Variants in C6orf58 observed in about 807,000 individuals in gnomAD.
C6orf58 encodes the protein chromosome 6 open reading frame 58, also known as protein LEG1 homolog.
In C6orf58, 30 loss-of-function variants were observed where a neutral mutation model predicts 37.0. That is an observed-to-expected ratio of 0.81 (90% CI 0.61 to 1.10). The LOEUF (loss-of-function observed/expected upper bound fraction) is 1.10, where lower values mean the gene tolerates loss of function less well. Ranked by LOEUF, C6orf58 falls within the 50% of genes least tolerant of loss-of-function variation. The pLI, the probability that C6orf58 is intolerant of heterozygous loss-of-function variation, is 0.00. For missense variants in C6orf58, 368 were observed against 387.5 expected (o/e 0.95, Z 0.42); for synonymous variants, 143 against 134.1 (o/e 1.07, Z -0.46).
At chr6:127,578,470 A>G (rs1201352765) in intron 1 of C6orf58, among the ~76,000 whole-genome samples, 2 of 152,168 alleles carry the variant, frequency 1.3e-5, no homozygotes, top group African/African-American at 4.8e-5. Flanking sequence ...TTTAGGACCT[A>G]TAACTCAAAA....
At chr6:127,584,783 CA>C (rs34714127) in intron 4 of C6orf58, among the ~76,000 whole-genome samples, 55,980 of 119,542 alleles carry the variant, frequency 0.47, 11,582 homozygotes, top group East Asian at 0.92. Flanking sequence ...ACTCCATCTC[CA>C]AAAAAAAAAA....
intron 2 of C6orf58, among the ~76,000 whole-genome samples, chr6:127,580,032 C>T (rs77020206): frequency 0.018 from 2,737 of 152,088 alleles, 78 homozygotes; most frequent in African/African-American, 0.06. Flanking sequence ...ATATAGTCAA[C>T]TACTTTAGCC....
At chr6:127,578,067 G>C (rs905959054) in intron 1 of C6orf58, among the ~76,000 whole-genome samples, 1 of 152,084 alleles carries the variant, frequency 6.6e-6, no homozygotes, top group South Asian at 2.1e-4. Context: ...AAAGAGTGGT[G>C]CCTGTTGCCC....
At chr6:127,578,468 C>G (rs942769091) in intron 1 of C6orf58, among the ~76,000 whole-genome samples, 1 of 151,642 alleles carries the variant, frequency 6.6e-6, no homozygotes, top group Non-Finnish European at 1.5e-5. Context: ...TATTTAGGAC[C>G]TATAACTCAA....
chr6:127,581,867 C>T (rs535211627), intron 4 of C6orf58, among the ~76,000 whole-genome samples: 23 of 152,266 alleles, frequency 1.5e-4, no homozygotes, highest in African/African-American at 5.1e-4. Flanking sequence ...CAGTTGGCAG[C>T]CTGTGATTGG....
intron 5 of C6orf58, 56 bp from the exon 6 acceptor site, chr6:127,591,487 A>G: frequency 7.0e-7 from 1 of 1,427,426 alleles, no homozygotes; most frequent in Non-Finnish European, 9.3e-7. Context: ...TATTGCCAAA[A>G]GGTACTTTAA....
intron 3 of C6orf58, among the ~76,000 whole-genome samples, chr6:127,580,977 T>C (rs1302299017): frequency 6.6e-6 from 1 of 152,088 alleles, no homozygotes; most frequent in Non-Finnish European, 1.5e-5. Flanking sequence ...TACTTATAGA[T>C]GCATATGCTA....
chr6:127,577,799 T>C (rs1315811320), intron 1 of C6orf58, among the ~76,000 whole-genome samples: 1 of 152,140 alleles, frequency 6.6e-6, no homozygotes, highest in Non-Finnish European at 1.5e-5. Context: ...GCCACACTCC[T>C]TTCTAAGCAA....
chr6:127,577,524 G>A lies in C6orf58; in HGVS notation c.301+38G>A, dbSNP rs756426970. The A allele has an allele frequency of 1.0e-4, 163 of 1,577,110 alleles. 2 individuals carry two copies. In the East Asian group the frequency reaches 3.4e-3, roughly 32 times the overall value. On this transcript the variant is annotated intron_variant, in intron 1 of 5. Coordinates refer to ENST00000329722, the MANE Select transcript of C6orf58 (RefSeq NM_001010905.3). ...CTTGTTTTCATTGTAATGATCTACCGATAGACCTATGAAGTATTTGGGAAA... is the reference window on the plus strand; with the variant it reads ...CTTGTTTTCATTGTAATGATCTACCAATAGACCTATGAAGTATTTGGGAAA...
intron 2 of C6orf58, among the ~76,000 whole-genome samples, chr6:127,579,997 C>T (rs1041798881): frequency 1.3e-5 from 2 of 151,872 alleles, no homozygotes; most frequent in African/African-American, 4.8e-5. Flanking sequence ...TTATGATATC[C>T]ATTAAAATTA....
At chr6:127,591,421 TTA>T in intron 5 of C6orf58, 120 bp from the exon 6 acceptor site, 1 of 905,954 alleles carries the variant, frequency 1.1e-6, no homozygotes. Context: ...TTTGTATAAT[TTA>T]TGATTTTACC....
At chr6:127,583,504 C>T (rs1775071293) in intron 4 of C6orf58, among the ~76,000 whole-genome samples, 1 of 152,062 alleles carries the variant, frequency 6.6e-6, no homozygotes, top group African/African-American at 2.4e-5. Flanking sequence ...ATGCCATCTT[C>T]TTCTGGGGAA....
At chr6:127,582,198 A>G (rs1015247059) in intron 4 of C6orf58, among the ~76,000 whole-genome samples, 1 of 152,120 alleles carries the variant, frequency 6.6e-6, no homozygotes, top group Admixed American at 6.6e-5. Flanking sequence ...TCATTATTCT[A>G]ATTTTAATGA....
chr6:127,579,211 A>C (rs916116220), intron 2 of C6orf58, among the ~76,000 whole-genome samples: 1 of 152,164 alleles, frequency 6.6e-6, no homozygotes, highest in Admixed American at 6.6e-5. Flanking sequence ...AATTCATTAT[A>C]CCAATCAGTA....
chr6:127,582,778 T>G (rs1318171750), intron 4 of C6orf58, among the ~76,000 whole-genome samples: 3 of 152,164 alleles, frequency 2.0e-5, no homozygotes, highest in African/African-American at 7.2e-5. Context: ...CAGTTTCCAA[T>G]TAGTTATGGA....
At chr6:127,591,087 G>T (rs1402763544) in intron 5 of C6orf58, among the ~76,000 whole-genome samples, 1 of 152,022 alleles carries the variant, frequency 6.6e-6, no homozygotes, top group Non-Finnish European at 1.5e-5. Context: ...TTTTCCTTTG[G>T]TTCTAGTGCA....
At chr6:127,577,521 A>G (rs1469597285) in intron 1 of C6orf58, 35 bp downstream of exon 1, 1 of 1,579,884 alleles carries the variant, frequency 6.3e-7, no homozygotes, top group African/African-American at 1.4e-5. Flanking sequence ...GTAATGATCT[A>G]CCGATAGACC....
chr6:127,590,328 A>G lies in C6orf58; in HGVS notation c.913+3A>G, dbSNP rs1469983740. 2 of 1,541,630 alleles carry G rather than the reference A, an allele frequency of 1.3e-6. No homozygotes were observed. The highest frequency in any genetic ancestry group is 1.8e-6 in the Non-Finnish European group (2 of 1,121,786). On this transcript the variant is annotated splice_donor_region_variant and intron_variant, in intron 5 of 5. Transcript: ENST00000329722. Reference sequence around the variant, plus strand: ...TGACAATGTGGATAAATCTATAGGTAAGAACCTTAAAAGGATACTTTTAAA... The same window carrying G: ...TGACAATGTGGATAAATCTATAGGTGAGAACCTTAAAAGGATACTTTTAAA...
rs970823050 is a variant in C6orf58, at chr6:127,591,804, C to T, written c.*182C>T. The T allele has an allele frequency of 1.3e-4, 51 of 387,506 alleles. No individual in the cohort carries two copies. The highest frequency in any genetic ancestry group is 2.6e-5 in the Non-Finnish European group (6 of 232,382). The allele number at this position is 387,506 out of a possible 1,614,324, so 24.0% of individuals were successfully genotyped here. Reference sequence around the variant, plus strand: ...ATGTATTAAAAACTTAAATTAAATGCATTCAAGTTAAAATAATGATTATTT... The same window carrying T: ...ATGTATTAAAAACTTAAATTAAATGTATTCAAGTTAAAATAATGATTATTT... On this transcript the variant is annotated 3_prime_UTR_variant, in exon 6 of 6. Transcript: ENST00000329722.
Sources: allele counts gnomAD v4.1 joint callset (sites outside exome capture counted in the v4.1 genomes callset), GRCh38; gene constraint gnomAD v4.1.1; transcripts MANE v1.5; gene names NCBI Gene and HGNC (gene_info 2026-07-23, HGNC 2026-07-21).